The following SLC24A3 variants were observed in gnomAD, a reference collection of about 807,000 sequenced individuals.
SLC24A3 encodes solute carrier family 24 member 3.
A neutral mutation model predicts 75.8 loss-of-function variants in SLC24A3; 28 were observed. The ratio of observed to expected loss-of-function variants is 0.37; its 90% CI spans 0.27 to 0.51. SLC24A3 has a LOEUF of 0.51. Among genes scored for constraint, SLC24A3 ranks in the 20% least tolerant of loss-of-function variants. The pLI is 0.94. For synonymous variants in SLC24A3, 372 were observed against 334.1 expected (o/e 1.11, Z -1.24); for missense variants, 663 against 847.8 (o/e 0.78, Z 2.71).
intron 2 of SLC24A3, among the ~76,000 whole-genome samples, chr20:19,362,297 A>G (rs1985804637): frequency 6.6e-6 from 1 of 152,192 alleles, no homozygotes; most frequent in Non-Finnish European, 1.5e-5. Context: ...TTTTACATGT[A>G]TCACCTCAGA....
At position 19,285,006 on chromosome 20, in the gene SLC24A3, G is replaced by A. The variant is rs542131436; in HGVS notation, c.271+3919G>A. Among the ~76,000 whole-genome samples the A allele has an allele frequency of 2.6e-5, 4 of 152,082 alleles. No individual in the cohort carries two copies. In the South Asian group the frequency reaches 6.2e-4, roughly 24 times the overall value. On this transcript the variant is annotated intron_variant, in intron 2 of 16. Coordinates refer to ENST00000328041, the MANE Select transcript of SLC24A3 (RefSeq NM_020689.4). ...TGCAGAATTCCATGCCATACCTCAA[G>A]CCTTCCTCTACTCCCTCTCCCCTCC...
At chr20:19,522,676 C>T (rs550517689) in intron 3 of SLC24A3, among the ~76,000 whole-genome samples, 4 of 152,334 alleles carry the variant, frequency 2.6e-5, no homozygotes, top group Non-Finnish European at 4.4e-5. Flanking sequence ...CCAATCCATT[C>T]AGACGGAGCT....
intron 2 of SLC24A3, among the ~76,000 whole-genome samples, chr20:19,299,127 G>T (rs1466358997): frequency 1.3e-5 from 2 of 152,026 alleles, no homozygotes; most frequent in East Asian, 3.9e-4. Flanking sequence ...GTTGAGTTGG[G>T]GTGGAAAGCT....
intron 9 of SLC24A3, among the ~76,000 whole-genome samples, chr20:19,680,190 A>ATG (rs1282252036): frequency 8.9e-5 from 11 of 123,820 alleles, no homozygotes; most frequent in South Asian, 2.7e-4. Flanking sequence ...CTGTATGTGC[A>ATG]TGTGTGTGTG....
chr20:19,274,112 T>G (rs55644204), intron 1 of SLC24A3, among the ~76,000 whole-genome samples: 101,360 of 150,878 alleles, frequency 0.67, 34,732 homozygotes, highest in East Asian at 0.96. Flanking sequence ...TTCAATCTGG[T>G]TTTCCTCTTG....
rs971073018 is a variant in SLC24A3, at chr20:19,215,621, T to G, written c.142+2637T>G. Among the ~76,000 whole-genome samples the G allele has an allele frequency of 3.3e-5, 5 of 152,202 alleles. No homozygotes were observed. In the South Asian group the frequency reaches 1.0e-3, roughly 32 times the overall value. Reference sequence around the variant, plus strand: ...CCTCCCTCTCTCCTTCCTTCATTCTTTCTTCCTTCCTGCTCCCTTCCTTTC... The same window carrying G: ...CCTCCCTCTCTCCTTCCTTCATTCTGTCTTCCTTCCTGCTCCCTTCCTTTC... On this transcript the variant is annotated intron_variant, in intron 1 of 16. Transcript: ENST00000328041.
chr20:19,402,545 G>A (rs1380724780), intron 2 of SLC24A3, among the ~76,000 whole-genome samples: 1 of 152,120 alleles, frequency 6.6e-6, no homozygotes, highest in Non-Finnish European at 1.5e-5. Flanking sequence ...ATATTAAGCG[G>A]GCCAACATTG....
intron 2 of SLC24A3, among the ~76,000 whole-genome samples, chr20:19,340,535 A>G (rs983411346): frequency 3.0e-4 from 45 of 152,180 alleles, no homozygotes; most frequent in Non-Finnish European, 6.2e-4. Context: ...GTCGTGATAA[A>G]AGGCGTGGAT....
intron 2 of SLC24A3, among the ~76,000 whole-genome samples, chr20:19,469,295 A>G (rs1043020722): frequency 2.6e-5 from 4 of 152,106 alleles, no homozygotes; most frequent in African/African-American, 9.7e-5. Context: ...GAACAAGGAG[A>G]TGGAGAAATG....
chr20:19,442,997 CTA>C (rs1338665270), intron 2 of SLC24A3, among the ~76,000 whole-genome samples: 1 of 152,166 alleles, frequency 6.6e-6, no homozygotes, highest in Non-Finnish European at 1.5e-5. Context: ...GATCAATTGA[CTA>C]TGTTTGCATG....
intron 3 of SLC24A3, among the ~76,000 whole-genome samples, chr20:19,544,963 T>C (rs1486344195): frequency 6.6e-6 from 1 of 152,158 alleles, no homozygotes; most frequent in Non-Finnish European, 1.5e-5. Flanking sequence ...GGAAAGGAAA[T>C]GCGGCCTCCT....
At chr20:19,498,177 T>G (rs1988324951) in intron 2 of SLC24A3, among the ~76,000 whole-genome samples, 1 of 152,166 alleles carries the variant, frequency 6.6e-6, no homozygotes. Context: ...ACTGGTCTAG[T>G]TGCAGGAAAA....
At chr20:19,235,157 C>T (rs1982128652) in intron 1 of SLC24A3, among the ~76,000 whole-genome samples, 1 of 152,210 alleles carries the variant, frequency 6.6e-6, no homozygotes, top group Admixed American at 6.5e-5. Context: ...GCATGCCCTG[C>T]ATGGGATGTC....
At position 19,681,938 on chromosome 20, in the gene SLC24A3, C is replaced by G; in HGVS notation, c.848C>G (p.Ala283Gly). ...ATGGTCAACGGATTGGCCAACAATG[C>G]TGAAATTGATGACAGCAGCAACTGC... ...GNMVNGLANN[A>G]EIDDSSNCDA... Residue 283 changes from alanine to glycine, a missense_variant, in exon 10 of 17, where the codon GCT (alanine) becomes GGT (glycine). Physicochemically the swap from Ala to Gly is moderately conservative, Grantham distance 60. Coordinates refer to ENST00000328041, the MANE Select transcript of SLC24A3 (RefSeq NM_020689.4). 1 of 1,614,188 alleles carries G rather than the reference C, an allele frequency of 6.2e-7. No individual in the cohort carries two copies. The highest frequency in any genetic ancestry group is 8.5e-7 in the Non-Finnish European group (1 of 1,180,034).
intron 2 of SLC24A3, among the ~76,000 whole-genome samples, chr20:19,347,888 G>C (rs6514996): frequency 0.11 from 16,323 of 152,176 alleles, 2,339 homozygotes; most frequent in African/African-American, 0.33. Flanking sequence ...TACTTGATGG[G>C]GTTGTTGTGA....
At chr20:19,217,387 A>G (rs1223790948) in intron 1 of SLC24A3, among the ~76,000 whole-genome samples, 1 of 152,218 alleles carries the variant, frequency 6.6e-6, no homozygotes, top group African/African-American at 2.4e-5. Context: ...ACATTTCCCA[A>G]GGTGGCTAAG....
chr20:19,638,402 C>T (rs561715318), intron 6 of SLC24A3, among the ~76,000 whole-genome samples: 1 of 152,112 alleles, frequency 6.6e-6, no homozygotes, highest in African/African-American at 2.4e-5. Context: ...CATTATCAAC[C>T]CTTAAGTATT....
chr20:19,608,333 A>G (rs1160943446), intron 6 of SLC24A3, among the ~76,000 whole-genome samples: 2 of 152,244 alleles, frequency 1.3e-5, no homozygotes, highest in Non-Finnish European at 2.9e-5. Context: ...TTAATTAGCA[A>G]CATAAGATTT....
At chr20:19,618,279 A>G (rs1467531786) in intron 6 of SLC24A3, among the ~76,000 whole-genome samples, 2 of 152,174 alleles carry the variant, frequency 1.3e-5, no homozygotes, top group Non-Finnish European at 2.9e-5. Flanking sequence ...GGTGGCTTAC[A>G]CAACAGAAAT....
Sources: gnomAD v4.1 joint callset for allele counts (sites outside exome capture counted in the v4.1 genomes callset) on GRCh38, gnomAD v4.1.1 for gene constraint, MANE v1.5 for transcripts, NCBI Gene and HGNC (gene_info 2026-07-23, HGNC 2026-07-21) for gene names.